VPS29: variants seen among roughly 807,000 people sequenced by gnomAD.
The protein encoded by VPS29 is VPS29 retromer complex component, also known as vacuolar protein sorting-associated protein 29.
In VPS29, 2 loss-of-function variants were observed where a neutral mutation model predicts 20.0. The observed-to-expected ratio is 0.10, with a 90% CI of 0.04 to 0.31. VPS29 has a LOEUF of 0.31. Ranked by LOEUF, VPS29 falls within the 10% of genes least tolerant of loss-of-function variation. The pLI, the probability that VPS29 is intolerant of heterozygous loss-of-function variation, is 1.00. For synonymous variants in VPS29, 81 were observed against 79.3 expected (o/e 1.02, Z -0.12); for missense variants, 120 against 215.3 (o/e 0.56, Z 2.77).
intron 3 of VPS29, among the ~76,000 whole-genome samples, chr12:110,492,642 T>G (rs1260579564): frequency 1.5e-5 from 2 of 135,190 alleles, no homozygotes; most frequent in Admixed American, 7.6e-5. Context: ...TTTATTTATT[T>G]ATTGAGTCTC....
intron 3 of VPS29, 90 bp from the exon 4 acceptor site, chr12:110,492,212 G>T (rs1332763563): frequency 4.9e-6 from 5 of 1,020,196 alleles, no homozygotes; most frequent in Non-Finnish European, 7.4e-6. Context: ...TGGATTCAGA[G>T]AAATCTGTTA....
Position 110,493,082 on chromosome 12 carries a change from G to A in VPS29, c.345C>T (p.His115=). The A allele has an allele frequency of 6.2e-7, 1 of 1,614,002 alleles. No individual in the cohort carries two copies. Among genetic ancestry groups the A allele is most frequent in the Non-Finnish European group, 8.5e-7 (1 of 1,180,008 alleles). ...QFDVDILISG[H]THKFEAFEHE... ...GCTCAAATGCTTCAAATTTGTGTGT[G>A]TGTCCCGAGATAAGAATGTCCACAT... is the stretch of plus-strand genomic sequence containing the variant. Residue 115 remains histidine (H), a synonymous_variant, in exon 3 of 4, where the codon CAC becomes CAT. Coordinates refer to ENST00000549578, the MANE Select transcript of VPS29 (RefSeq NM_016226.5).
At chr12:110,499,979 G>A (rs569260421) in intron 1 of VPS29, among the ~76,000 whole-genome samples, 1 of 152,236 alleles carries the variant, frequency 6.6e-6, no homozygotes. Context: ...ACATTTTCTG[G>A]ATTCTTAGGG....
At chr12:110,495,923 A>C in intron 2 of VPS29, 89 bp downstream of exon 2, 1 of 1,237,096 alleles carries the variant, frequency 8.1e-7, no homozygotes, top group Non-Finnish European at 1.1e-6. Flanking sequence ...AAACCTTACC[A>C]GTTGAGAAAC....
intron 2 of VPS29, among the ~76,000 whole-genome samples, chr12:110,495,503 G>A (rs1313824534): frequency 6.6e-6 from 1 of 152,066 alleles, no homozygotes; most frequent in East Asian, 1.9e-4. Flanking sequence ...CTGAGGTCAC[G>A]AGTTCGAGAC....
intron 2 of VPS29, 92 bp downstream of exon 2, chr12:110,495,920 A>C: frequency 8.3e-7 from 1 of 1,203,006 alleles, no homozygotes; most frequent in Non-Finnish European, 1.1e-6. Context: ...AAAAAACCTT[A>C]CCAGTTGAGA....
chr12:110,501,456 A>G (rs763514581), intron 1 of VPS29: 1 of 1,535,498 alleles, frequency 6.5e-7, no homozygotes, highest in South Asian at 1.2e-5. Flanking sequence ...AAACAGTTCC[A>G]GCAATTGCAA....
chr12:110,501,308 G>C, intron 1 of VPS29: 2 of 1,389,194 alleles, frequency 1.4e-6, no homozygotes, highest in Non-Finnish European at 2.0e-6. Flanking sequence ...AGGTGGCTGG[G>C]GGAGACTAGG....
chr12:110,495,936 T>C, intron 2 of VPS29, 76 bp downstream of exon 2: 1 of 1,323,126 alleles, frequency 7.6e-7, no homozygotes, highest in Non-Finnish European at 1.0e-6. Flanking sequence ...TGAGAAACCC[T>C]GGTCTAAAGA....
chr12:110,497,474 C>T (rs559064813), intron 1 of VPS29, among the ~76,000 whole-genome samples: 1 of 151,872 alleles, frequency 6.6e-6, no homozygotes, highest in Admixed American at 6.6e-5. Flanking sequence ...GCCTCCGCCT[C>T]CCAAAGTGCT....
intron 1 of VPS29, chr12:110,499,340 T>C (rs1592999627): frequency 3.0e-6 from 2 of 663,696 alleles, no homozygotes; most frequent in East Asian, 3.0e-5. Context: ...GGGATAGACA[T>C]AGATGATAGA....
At chr12:110,497,882 CA>C (rs2062933789) in intron 1 of VPS29, among the ~76,000 whole-genome samples, 1 of 151,764 alleles carries the variant, frequency 6.6e-6, no homozygotes, top group African/African-American at 2.4e-5. Flanking sequence ...ATGCCACTGG[CA>C]CTCCAGCCTG....
rs1007755574 is a variant in VPS29 at position 110,502,033 on chromosome 12, C to A, written c.3+16G>T. On this transcript the variant is annotated intron_variant, in intron 1 of 3. Coordinates refer to ENST00000549578, the MANE Select transcript of VPS29 (RefSeq NM_016226.5). The stretch of plus-strand genomic sequence containing the variant: ...CCCGAGAGCCAGGCCTTGGTCGCCG[C>A]AACTGCAGCCCTCACCATCCTGTCA... The A allele has an allele frequency of 6.2e-7, 1 of 1,613,046 alleles. No individual in the cohort carries two copies. Among genetic ancestry groups the A allele is most frequent in the African/African-American group, 1.3e-5 (1 of 74,946 alleles).
intron 1 of VPS29, among the ~76,000 whole-genome samples, chr12:110,500,362 G>A (rs866171955): frequency 6.6e-6 from 1 of 152,186 alleles, no homozygotes; most frequent in Non-Finnish European, 1.5e-5. Flanking sequence ...CCCTAAATAA[G>A]AGGGATCACT....
intron 1 of VPS29, chr12:110,498,700 AG>A (rs1300931613): frequency 3.8e-6 from 1 of 265,358 alleles, no homozygotes; most frequent in African/African-American, 2.3e-5. Flanking sequence ...TAGTTTCAGC[AG>A]GTATTTGTTG....
intron 2 of VPS29, among the ~76,000 whole-genome samples, chr12:110,495,753 G>C (rs1188240573): frequency 1.3e-5 from 2 of 151,864 alleles, no homozygotes; most frequent in East Asian, 3.9e-4. Flanking sequence ...TTAAACGACA[G>C]CATAAAACAG....
At position 110,491,965 on chromosome 12, in the gene VPS29, C is replaced by CA. The variant is rs1760180681; in HGVS notation, c.*39dup. Reference sequence around the variant, plus strand: ...GTTTAATTACTTGATTTCAACAGGACAATGAAAAAAAACCAAAAATCATCA... The same window carrying CA: ...GTTTAATTACTTGATTTCAACAGGACAAATGAAAAAAAACCAAAAATCATCA... On this transcript the variant is annotated 3_prime_UTR_variant, in exon 4 of 4. Coordinates refer to ENST00000549578, the MANE Select transcript of VPS29 (RefSeq NM_016226.5). 1 of 1,437,974 alleles carries CA rather than the reference C, an allele frequency of 7.0e-7. No individual in the cohort carries two copies. The highest frequency in any genetic ancestry group is 1.2e-5 in the South Asian group (1 of 85,360). The allele number at this position is 1,437,974 out of a possible 1,614,324, so 89.1% of individuals were successfully genotyped here.
chr12:110,494,890 T>G (rs1187746094), intron 2 of VPS29, among the ~76,000 whole-genome samples: 1 of 151,968 alleles, frequency 6.6e-6, no homozygotes, highest in Non-Finnish European at 1.5e-5. Context: ...TGGCTAATTT[T>G]TTTGTATTTT....
At position 110,491,944 on chromosome 12, in the gene VPS29, A is replaced by T; in HGVS notation, c.*61T>A. The stretch of plus-strand genomic sequence containing the variant: ...ACAATTTTGTGGCTCTTAAATGTTT[A>T]ATTACTTGATTTCAACAGGACAATG... On this transcript the variant is annotated 3_prime_UTR_variant, in exon 4 of 4. Transcript: ENST00000549578. 1.6e-6 allele frequency: 2 copies of T among 1,216,044 alleles called. No individual in the cohort carries two copies. The highest frequency in any genetic ancestry group is 2.4e-6 in the Non-Finnish European group (2 of 832,618). 75.3% of individuals were successfully genotyped at this position (1,216,044 alleles called of 1,614,324 possible). A position where few individuals can be genotyped will look rare whatever the true frequency, so the allele number is the denominator to read the frequency against.
Sources: allele counts gnomAD v4.1 joint callset (sites outside exome capture counted in the v4.1 genomes callset), GRCh38; gene constraint gnomAD v4.1.1; transcripts MANE v1.5; gene names NCBI Gene and HGNC (gene_info 2026-07-23, HGNC 2026-07-21).